The following PLEKHA7 variants were observed in gnomAD, a reference collection of about 807,000 sequenced individuals.
PLEKHA7 encodes pleckstrin homology domain containing A7, also known as pleckstrin homology domain-containing family A member 7.
PLEKHA7 carries 104 observed loss-of-function variants against 170.0 expected under a neutral mutation model. That is an observed-to-expected ratio of 0.61 (90% confidence interval 0.52 to 0.72). The LOEUF is 0.72. Among genes scored for constraint, PLEKHA7 ranks in the 30% least tolerant of loss-of-function variants. The pLI is 0.00. For missense variants in PLEKHA7, 1,615 were observed against 1,671.7 expected (o/e 0.97, Z 0.59); for synonymous variants, 648 against 660.8 (o/e 0.98, Z 0.30).
Position 16,810,571 on chromosome 11 carries a change from G to C in PLEKHA7, c.2007+2542C>G, listed in dbSNP as rs941600100. 4.6e-5 allele frequency among the ~76,000 whole-genome samples: 7 copies of C among 152,298 alleles called. No individual in the cohort carries two copies. The East Asian group carries it at 1.3e-3, about 29-fold the overall frequency. On this transcript the variant is annotated intron_variant, in intron 13 of 26. Transcript: ENST00000531066. ...AACCGGGGTAGCAGCTATAAGACCAGGGGAATACTGGTATCAACACAGTTG... is the reference window on the plus strand; with the variant it reads ...AACCGGGGTAGCAGCTATAAGACCACGGGAATACTGGTATCAACACAGTTG...
intron 4 of PLEKHA7, among the ~76,000 whole-genome samples, chr11:16,863,185 A>G (rs1176205079): frequency 6.6e-6 from 1 of 152,150 alleles, no homozygotes; most frequent in African/African-American, 2.4e-5. Context: ...CTCACCCTGC[A>G]ACCTGCAAAA....
intron 3 of PLEKHA7, among the ~76,000 whole-genome samples, chr11:16,917,198 G>A (rs1237241227): frequency 1.3e-5 from 2 of 152,108 alleles, no homozygotes; most frequent in Non-Finnish European, 2.9e-5. Flanking sequence ...CAGCCTGGGT[G>A]ACACAGCAAG....
chr11:16,920,479 C>T (rs535507599), intron 3 of PLEKHA7, among the ~76,000 whole-genome samples: 1 of 152,214 alleles, frequency 6.6e-6, no homozygotes, highest in East Asian at 1.9e-4. Context: ...CAAAATCCAT[C>T]AAAATATGGA....
chr11:16,804,775 C>T (rs1848834092), intron 13 of PLEKHA7, among the ~76,000 whole-genome samples: 1 of 152,232 alleles, frequency 6.6e-6, no homozygotes, highest in South Asian at 2.1e-4. Context: ...GAACTCCAGC[C>T]AAATTCTGCT....
In PLEKHA7 at chr11:16,816,842, C is replaced by T. The variant is rs770899975; in HGVS notation, c.1824G>A (p.Ser608=). The change falls in exon 11 of 27, where the codon TCG becomes TCA. Residue 608 remains serine (S), a synonymous_variant. Transcript: ENST00000531066. ...PPDQRRSVDI[S]LGDSPRRARG... The stretch of plus-strand genomic sequence containing the variant: ...GTGCCCTCCTTGGAGAATCCCCCAG[C>T]GAGATGTCCACACTCCTCCTCTGGT... 5.6e-6 allele frequency: 9 copies of T among 1,614,110 alleles called. No homozygotes were observed. The highest frequency in any genetic ancestry group is 4.5e-5 in the East Asian group (2 of 44,880).
Position 16,817,047 on chromosome 11 carries a change from G to T in PLEKHA7, c.1619C>A (p.Pro540His). The T allele has an allele frequency of 6.2e-7, 1 of 1,608,330 alleles. No individual in the cohort carries two copies. The highest frequency in any genetic ancestry group is 1.1e-5 in the South Asian group (1 of 90,062). The change falls in exon 11 of 27, where the codon CCC becomes CAC. Residue 540 changes from proline to histidine, a missense_variant. Physicochemically the swap from Pro to His is moderately conservative, Grantham distance 77. Transcript: ENST00000531066. The surrounding 1 kb of genome is among the most constrained non-coding windows in gnomAD (Gnocchi z 4.4). The stretch of plus-strand genomic sequence containing the variant: ...GAACTCTGGGGAGCCAAGGCAGATG[G>T]GCGCTGTGGGGCTGCCGTGCCGGAA... Reference protein sequence around the residue: ...QQFRHGSPTAPICLGSPEFTD... With the variant: ...QQFRHGSPTAHICLGSPEFTD...
chr11:16,779,086 T>A, intron 26 of PLEKHA7, 66 bp from the exon 27 acceptor site: 2 of 701,618 alleles, frequency 2.9e-6, no homozygotes, highest in East Asian at 2.7e-5. Flanking sequence ...TGCACACACA[T>A]GATGGAATGG....
At chr11:16,920,548 T>C (rs1026879536) in intron 3 of PLEKHA7, among the ~76,000 whole-genome samples, 1 of 152,230 alleles carries the variant, frequency 6.6e-6, no homozygotes, top group Non-Finnish European at 1.5e-5. Context: ...TAGTATAATA[T>C]TCTAAATTTC....
chr11:16,857,865 C>G (rs1853602331), intron 4 of PLEKHA7, among the ~76,000 whole-genome samples: 1 of 152,182 alleles, frequency 6.6e-6, no homozygotes, highest in Admixed American at 6.5e-5. Flanking sequence ...ATTACAGGCG[C>G]TTGCCACCAA....
In PLEKHA7 at chr11:16,794,564, G is replaced by T; in HGVS notation, c.2669C>A (p.Pro890Gln). The change falls in exon 19 of 27, where the codon CCG becomes CAG. Residue 890 changes from proline to glutamine, a missense_variant. Physicochemically the swap from Pro to Gln is moderately conservative, Grantham distance 76. Coordinates refer to ENST00000531066, the MANE Select transcript of PLEKHA7 (RefSeq NM_001329630.2). ...CAGCTGGGGTGGGTGAGGTCGGTACGGCACGTAGGTTTGCAGCTGGGGGAA... is the reference window on the plus strand; with the variant it reads ...CAGCTGGGGTGGGTGAGGTCGGTACTGCACGTAGGTTTGCAGCTGGGGGAA... ...RLFPQLQTYVPYRPHPPQLRK... is the reference protein window; with the variant it reads ...RLFPQLQTYVQYRPHPPQLRK... 3.1e-6 allele frequency: 5 copies of T among 1,613,626 alleles called. No homozygotes were observed. The highest frequency in any genetic ancestry group is 4.2e-6 in the Non-Finnish European group (5 of 1,179,780).
chr11:16,990,665 T>A (rs1286860966), intron 3 of PLEKHA7, among the ~76,000 whole-genome samples: 1 of 152,226 alleles, frequency 6.6e-6, no homozygotes, highest in East Asian at 1.9e-4. Flanking sequence ...AAAAGTTCCC[T>A]GGAAATGTGC....
At chr11:16,847,537 T>C (rs536387990) in intron 8 of PLEKHA7, among the ~76,000 whole-genome samples, 7 of 152,168 alleles carry the variant, frequency 4.6e-5, no homozygotes, top group African/African-American at 1.7e-4. Context: ...TGAATCACAA[T>C]TGGCTTAATC....
intron 9 of PLEKHA7, among the ~76,000 whole-genome samples, chr11:16,840,637 G>C (rs919983354): frequency 6.6e-6 from 1 of 152,142 alleles, no homozygotes; most frequent in African/African-American, 2.4e-5. Context: ...TAGACAGAAG[G>C]GGGAAACAAA....
chr11:16,986,962 C>T (rs993408308), intron 3 of PLEKHA7, among the ~76,000 whole-genome samples: 12 of 152,300 alleles, frequency 7.9e-5, no homozygotes, highest in African/African-American at 2.2e-4. Context: ...AGGGCATTTC[C>T]AGCCACATTC....
intron 3 of PLEKHA7, among the ~76,000 whole-genome samples, chr11:17,000,523 G>A (rs1287906292): frequency 6.6e-6 from 1 of 152,164 alleles, no homozygotes; most frequent in Non-Finnish European, 1.5e-5. Context: ...TCTCAACAAG[G>A]AAGCACAATT....
At chr11:16,878,073 A>G (rs1245318262) in intron 3 of PLEKHA7, among the ~76,000 whole-genome samples, 1 of 152,130 alleles carries the variant, frequency 6.6e-6, no homozygotes, top group Non-Finnish European at 1.5e-5. Context: ...CCCTATTTCC[A>G]TTAACATCAC....
At chr11:16,902,984 G>A (rs1857433497) in intron 3 of PLEKHA7, among the ~76,000 whole-genome samples, 1 of 152,218 alleles carries the variant, frequency 6.6e-6, no homozygotes, top group South Asian at 2.1e-4. Flanking sequence ...GAAGTTGGGA[G>A]CAAAGGGCAA....
chr11:16,794,542 C>G lies in PLEKHA7; in HGVS notation c.2691G>C (p.Gln897His), dbSNP rs150403598. 12 of 1,613,844 alleles carry G rather than the reference C, an allele frequency of 7.4e-6. No individual in the cohort carries two copies. The African/African-American group carries it at 1.6e-4, about 22-fold the overall frequency. The change falls in exon 19 of 27, where the codon CAG becomes CAC. Residue 897 changes from glutamine to histidine, a missense_variant. By Grantham distance (24) the Gln-to-His change is conservative. Coordinates refer to ENST00000531066, the MANE Select transcript of PLEKHA7 (RefSeq NM_001329630.2). ...GAAGGGGGGATGTCACTTTCCTCAG[C>G]TGGGGTGGGTGAGGTCGGTACGGCA... is the stretch of plus-strand genomic sequence containing the variant. ...TYVPYRPHPP[Q>H]LRKVTSPLQS...
intron 3 of PLEKHA7, among the ~76,000 whole-genome samples, chr11:16,884,774 C>T (rs980945423): frequency 1.4e-4 from 22 of 152,312 alleles, no homozygotes; most frequent in African/African-American, 4.8e-4. Context: ...CCTCAACACT[C>T]CCTGCTGCTT....
Sources: allele counts gnomAD v4.1 joint callset (sites outside exome capture counted in the v4.1 genomes callset), GRCh38; gene constraint gnomAD v4.1.1; non-coding constraint Gnocchi (gnomAD v3.1); transcripts MANE v1.5; gene names NCBI Gene and HGNC (gene_info 2026-07-23, HGNC 2026-07-21).